SLC38A2: variants seen among roughly 807,000 people sequenced by gnomAD.
SLC38A2 encodes solute carrier family 38 member 2.
A neutral mutation model predicts 61.5 loss-of-function variants in SLC38A2; 11 were observed. The observed-to-expected ratio is 0.18, with a 90% CI of 0.11 to 0.30. The LOEUF (loss-of-function observed/expected upper bound fraction) is 0.30, where lower values mean the gene tolerates loss of function less well. Ranked by LOEUF, SLC38A2 falls within the 10% of genes least tolerant of loss-of-function variation. The pLI is 1.00. For synonymous variants in SLC38A2, 217 were observed against 212.5 expected, an observed-to-expected ratio of 1.02 and a Z score of -0.18; for missense variants, 522 against 600.4, an observed-to-expected ratio of 0.87 and a Z score of 1.36.
intron 7 of SLC38A2, 68 bp downstream of exon 7, chr12:46,366,796 T>C (rs1943142972): frequency 7.3e-7 from 1 of 1,378,872 alleles, no homozygotes; most frequent in Non-Finnish European, 1.0e-6. Flanking sequence ...TATACAACTT[T>C]GATAAAAATG....
In SLC38A2 at chr12:46,371,217, AAGTCGC is replaced by A; in HGVS notation, c.71_76del (p.Ser24_Phe26delinsIle). ...TTGCTTGGTGGGGTAGGAGTAGTTGAAGTCGCTGTTGGAACTGTAGCTGCTGCTGTC... is the reference window on the plus strand; with the variant it reads ...TTGCTTGGTGGGGTAGGAGTAGTTGATGTTGGAACTGTAGCTGCTGCTGTC... On this transcript the variant is annotated inframe_deletion, in exon 2 of 16. Coordinates refer to ENST00000256689, the MANE Select transcript of SLC38A2 (RefSeq NM_018976.5). The A allele has an allele frequency of 6.2e-7, 1 of 1,614,198 alleles. No individual in the cohort carries two copies. The highest frequency in any genetic ancestry group is 8.5e-7 in the Non-Finnish European group (1 of 1,180,030).
chr12:46,372,563 T>C lies in SLC38A2; in HGVS notation c.-141A>G, dbSNP rs745521570. ...CTTCAGTGGGTTTCTCTCAGTCAAA[T>C]ACAAATCATAAAAAACAAACAAAAA... On this transcript the variant is annotated 5_prime_UTR_variant, in exon 1 of 16. Transcript: ENST00000256689. 1.0e-5 allele frequency: 4 copies of C among 394,614 alleles called. No homozygotes were observed. Among genetic ancestry groups the C allele is most frequent in the Non-Finnish European group, 1.3e-5 (3 of 223,728 alleles). 24.4% of individuals were successfully genotyped at this position (394,614 alleles called of 1,614,324 possible). A position where few individuals can be genotyped will look rare whatever the true frequency, so the allele number is the denominator to read the frequency against.
At chr12:46,362,902 C>T (rs1943098680) in intron 13 of SLC38A2, 119 bp downstream of exon 13, 1 of 1,314,312 alleles carries the variant, frequency 7.6e-7, no homozygotes, top group Non-Finnish European at 1.0e-6. Context: ...CCTTCAAAAC[C>T]ACCACCAACT....
At chr12:46,363,231 A>C (rs1943102815) in intron 12 of SLC38A2, 86 bp from the exon 13 acceptor site, 2 of 1,420,996 alleles carry the variant, frequency 1.4e-6, no homozygotes, top group Admixed American at 1.9e-5. Flanking sequence ...TGCACCAGTT[A>C]TTTAGCTACT....
In SLC38A2 at chr12:46,359,137, C is replaced by A. The variant is rs1270890973; in HGVS notation, c.*1974G>T. The stretch of plus-strand genomic sequence containing the variant: ...AGAAACAACTCTTGGTATTCCCTGG[C>A]AGGTCTTAGATACAAAGTCAGCAAC... On this transcript the variant is annotated 3_prime_UTR_variant, in exon 16 of 16. Coordinates refer to ENST00000256689, the MANE Select transcript of SLC38A2 (RefSeq NM_018976.5). The A allele has an allele frequency of 6.6e-6, 1 of 151,560 alleles. No homozygotes were observed. Among genetic ancestry groups the A allele is most frequent in the Non-Finnish European group, 1.5e-5 (1 of 67,918 alleles). 9.4% of individuals were successfully genotyped at this position (151,560 alleles called of 1,614,324 possible).
intron 12 of SLC38A2, among the ~76,000 whole-genome samples, 169 bp from the exon 13 acceptor site, chr12:46,363,314 T>C (rs1419821545): frequency 1.3e-5 from 2 of 152,046 alleles, no homozygotes; most frequent in Admixed American, 6.6e-5. Flanking sequence ...AAAGTAACAT[T>C]GAAGGAAAAT....
chr12:46,358,753 A>T lies in SLC38A2; in HGVS notation c.*2358T>A, dbSNP rs988548835. On this transcript the variant is annotated 3_prime_UTR_variant, in exon 16 of 16. Transcript: ENST00000256689. ...AATATATGTACATAGATTATCATAA[A>T]TATTGAAAAATAGGTTAGCTTTAAT... The T allele has an allele frequency of 1.3e-5, 2 of 152,586 alleles. No homozygotes were observed. The highest frequency in any genetic ancestry group is 2.9e-5 in the Non-Finnish European group (2 of 68,034). The allele number at this position is 152,586 out of a possible 1,614,324, so 9.5% of individuals were successfully genotyped here.
At chr12:46,367,426 A>T in intron 4 of SLC38A2, 86 bp from the exon 5 acceptor site, 1 of 792,208 alleles carries the variant, frequency 1.3e-6, no homozygotes, top group East Asian at 2.4e-5. Flanking sequence ...AAATAACATT[A>T]TGTGTGCAAC....
chr12:46,362,641 G>A lies in SLC38A2; in HGVS notation c.1180-3C>T, dbSNP rs1222628979. The A allele has an allele frequency of 1.3e-6, 2 of 1,554,426 alleles. No homozygotes were observed. Among genetic ancestry groups the A allele is most frequent in the Non-Finnish European group, 1.7e-6 (2 of 1,163,770 alleles). On this transcript the variant is annotated splice_region_variant and splice_polypyrimidine_tract_variant and intron_variant, in intron 13 of 15. Coordinates refer to ENST00000256689, the MANE Select transcript of SLC38A2 (RefSeq NM_018976.5). The stretch of plus-strand genomic sequence containing the variant: ...AAGTGAGTTACAGAACTCCGGATCT[G>A]CAAAAAAAATAAATAAAATGTATTT...
intron 2 of SLC38A2, 141 bp from the exon 3 acceptor site, chr12:46,370,998 G>C: frequency 1.2e-6 from 1 of 830,850 alleles, no homozygotes; most frequent in South Asian, 1.5e-5. Flanking sequence ...TATTAACTAG[G>C]AGTTGACTTT....
chr12:46,362,565 A>T lies in SLC38A2; in HGVS notation c.1253T>A (p.Val418Glu). Reference sequence around the variant, plus strand: ...TAAATTGGTAAATGCCAAGATAGACACTGTAATGAGACTATGACGCCACCA... The same window carrying T: ...TAAATTGGTAAATGCCAAGATAGACTCTGTAATGAGACTATGACGCCACCA... ...FSWWRHSLITVSILAFTNLLV... is the reference protein window; with the variant it reads ...FSWWRHSLITESILAFTNLLV... The change falls in exon 14 of 16, where the codon GTG becomes GAG. Residue 418 changes from valine to glutamate, a missense_variant. Transcript: ENST00000256689. 6.2e-7 allele frequency: 1 copy of T among 1,602,802 alleles called. No individual in the cohort carries two copies. Among genetic ancestry groups the T allele is most frequent in the Non-Finnish European group, 8.5e-7 (1 of 1,177,208 alleles).
At chr12:46,368,690 C>T (rs1943164247) in intron 4 of SLC38A2, among the ~76,000 whole-genome samples, 1 of 152,212 alleles carries the variant, frequency 6.6e-6, no homozygotes, top group African/African-American at 2.4e-5. Context: ...AGTGGCTTTA[C>T]ACTACCATTC....
At chr12:46,364,806 G>T in intron 8 of SLC38A2, 104 bp from the exon 9 acceptor site, 1 of 1,101,624 alleles carries the variant, frequency 9.1e-7, no homozygotes, top group Non-Finnish European at 1.3e-6. Context: ...AAGACTTTAG[G>T]CACTAAAGTA....
chr12:46,366,802 A>G, intron 7 of SLC38A2, 62 bp downstream of exon 7: 1 of 1,424,168 alleles, frequency 7.0e-7, no homozygotes, highest in Non-Finnish European at 9.6e-7. Flanking sequence ...ACTTTGATAA[A>G]AATGTATCTA....
Position 46,363,682 on chromosome 12 carries a change from T to G in SLC38A2, c.1054+44A>C, listed in dbSNP as rs752224622. On this transcript the variant is annotated intron_variant, in intron 12 of 15. Coordinates refer to ENST00000256689, the MANE Select transcript of SLC38A2 (RefSeq NM_018976.5). ...AGCAGCTTCATTTCAATAAGCGTTT[T>G]TTTTTGTTTTTGTTTTTGTTTTGGT... The G allele has an allele frequency of 6.1e-6, 8 of 1,307,738 alleles. No homozygotes were observed. The Admixed American group carries it at 1.3e-4, about 21-fold the overall frequency. 81.0% of individuals were successfully genotyped at this position (1,307,738 alleles called of 1,614,324 possible).
chr12:46,367,309 G>A lies in SLC38A2; in HGVS notation c.346C>T (p.Leu116=), dbSNP rs1943149337. 1 of 1,598,554 alleles carries A rather than the reference G, an allele frequency of 6.3e-7. No homozygotes were observed. The highest frequency in any genetic ancestry group is 8.6e-7 in the Non-Finnish European group (1 of 1,166,364). ...TTCAAAAGGAGATGAACAGAATACA[G>A]GGAAAATATTGACACAAATGTCAAG... ...ILLTFVSIFS[L]YSVHLLLKTA... The change falls in exon 5 of 16, where the codon CTG becomes TTG. Residue 116 remains leucine, a synonymous_variant. Coordinates refer to ENST00000256689, the MANE Select transcript of SLC38A2 (RefSeq NM_018976.5).
intron 4 of SLC38A2, among the ~76,000 whole-genome samples, chr12:46,367,685 G>A (rs1255738028): frequency 2.0e-5 from 3 of 152,180 alleles, no homozygotes; most frequent in Non-Finnish European, 4.4e-5. Flanking sequence ...ATAATGAGCT[G>A]TATGCTTGCC....
At position 46,362,491 on chromosome 12, in the gene SLC38A2, T is replaced by C; in HGVS notation, c.1324+3A>G. The C allele has an allele frequency of 6.3e-7, 1 of 1,592,060 alleles. No homozygotes were observed. The highest frequency in any genetic ancestry group is 1.2e-5 in the South Asian group (1 of 86,422). On this transcript the variant is annotated splice_donor_region_variant and intron_variant, in intron 14 of 15. Coordinates refer to ENST00000256689, the MANE Select transcript of SLC38A2 (RefSeq NM_018976.5). ...ATCCACTTGGATACTTTCTAAAACT[T>C]ACCAATAAAACCAAAGATATCCCTA...
intron 4 of SLC38A2, among the ~76,000 whole-genome samples, chr12:46,368,406 G>A (rs769824469): frequency 3.3e-5 from 5 of 151,984 alleles, no homozygotes; most frequent in Admixed American, 6.6e-5. Flanking sequence ...AAATAAATAA[G>A]GTAACATAGA....
Sources: gnomAD v4.1 joint callset for allele counts (sites outside exome capture counted in the v4.1 genomes callset) on GRCh38, gnomAD v4.1.1 for gene constraint, MANE v1.5 for transcripts, NCBI Gene and HGNC (gene_info 2026-07-23, HGNC 2026-07-21) for gene names.